The following NEBL variants were observed in gnomAD, a reference collection of about 807,000 sequenced individuals.
NEBL encodes the protein LIM and SH3 protein 2.
NEBL carries 122 observed loss-of-function variants against 140.2 expected under a neutral mutation model. That is an observed-to-expected ratio of 0.87 (90% CI 0.75 to 1.01). The LOEUF (loss-of-function observed/expected upper bound fraction) is 1.01. Ranked by LOEUF, NEBL falls within the 50% of genes least tolerant of loss-of-function variation. The probability of loss-of-function intolerance (pLI) is 0.00; values close to 1 mark genes in which losing one functional copy is unlikely to be tolerated. For synonymous variants in NEBL, 436 were observed against 398.9 expected (o/e 1.09, Z -1.11); for missense variants, 1,365 against 1,231.3 (o/e 1.11, Z -1.62).
chr10:21,176,518 G>T (rs188777614), upstream of NEBL, among the ~76,000 whole-genome samples: 147 of 152,126 alleles, frequency 9.7e-4, no homozygotes, highest in African/African-American at 3.4e-3. Context: ...GATGTAAGAA[G>T]AATTTTAATA....
Position 20,782,731 on chromosome 10 carries a change from T to A in NEBL, c.*3016A>T, listed in dbSNP as rs1588579141. The A allele has an allele frequency of 1.3e-5, 2 of 152,272 alleles. No homozygotes were observed. Among genetic ancestry groups the A allele is most frequent in the African/African-American group, 4.8e-5 (2 of 41,578 alleles). 9.4% of individuals were successfully genotyped at this position (152,272 alleles called of 1,614,324 possible). On this transcript the variant is annotated 3_prime_UTR_variant, in exon 28 of 28. Transcript: ENST00000377122. The stretch of plus-strand genomic sequence containing the variant: ...CCTCCATGGGCAGTTGATAACCAAA[T>A]AAATATTTCAAACTGGGCTACACTG...
intron 14 of NEBL, among the ~76,000 whole-genome samples, chr10:20,831,822 C>G (rs1840449899): frequency 6.6e-6 from 1 of 151,952 alleles, no homozygotes; most frequent in African/African-American, 2.4e-5. Context: ...GAAGAAAAAA[C>G]ACAGCTAGCC....
chr10:21,268,221 C>T (rs1343732939), intron 1 of NEBL, among the ~76,000 whole-genome samples: 1 of 152,036 alleles, frequency 6.6e-6, no homozygotes, highest in Non-Finnish European at 1.5e-5. Context: ...GTAATCCCAG[C>T]ACTTTGGGAG....
At chr10:20,946,367 A>G (rs1835159462) in intron 4 of NEBL, among the ~76,000 whole-genome samples, 1 of 152,236 alleles carries the variant, frequency 6.6e-6, no homozygotes, top group Non-Finnish European at 1.5e-5. Context: ...AAGCTGAGTC[A>G]AGGAACACAC....
chr10:20,925,829 C>T (rs756831344), intron 4 of NEBL, among the ~76,000 whole-genome samples: 4 of 152,044 alleles, frequency 2.6e-5, no homozygotes, highest in African/African-American at 7.2e-5. Flanking sequence ...CTCTAATTAA[C>T]GACATTTTGG....
intron 3 of NEBL, among the ~76,000 whole-genome samples, chr10:21,243,606 G>A (rs945085718): frequency 1.3e-5 from 2 of 151,926 alleles, no homozygotes; most frequent in South Asian, 4.1e-4. Context: ...GTATTGGCTC[G>A]TTATGACACA....
At chr10:21,070,582 A>C (rs1835772990) in intron 2 of NEBL, among the ~76,000 whole-genome samples, 1 of 152,134 alleles carries the variant, frequency 6.6e-6, no homozygotes, top group Non-Finnish European at 1.5e-5. Flanking sequence ...AGATAACCTA[A>C]GTGGGCGATT....
intron 2 of NEBL, 113 bp downstream of exon 2, chr10:20,896,845 G>T (rs1847541487): frequency 1.1e-6 from 1 of 926,518 alleles, no homozygotes; most frequent in East Asian, 2.4e-5. Flanking sequence ...TCTGGAAAGT[G>T]ACTGTGTTTT....
At chr10:21,121,403 A>G (rs374141524) in intron 2 of NEBL, among the ~76,000 whole-genome samples, 18 of 152,276 alleles carry the variant, frequency 1.2e-4, no homozygotes, top group Middle Eastern at 6.8e-3. Flanking sequence ...AAATCAAGAT[A>G]ATATTTATTT....
intron 3 of NEBL, among the ~76,000 whole-genome samples, chr10:20,998,528 GC>G (rs1199469491): frequency 2.0e-5 from 3 of 152,024 alleles, no homozygotes; most frequent in Non-Finnish European, 4.4e-5. Context: ...AGAAACCATG[GC>G]TCCTGGCTGC....
intron 20 of NEBL, 118 bp from the exon 21 acceptor site, chr10:20,817,810 A>G: frequency 2.4e-6 from 2 of 830,764 alleles, no homozygotes; most frequent in Middle Eastern, 2.2e-4. Context: ...ACAGTTGATT[A>G]CATCAACCTT....
At chr10:21,046,241 G>A (rs563933790) in intron 2 of NEBL, among the ~76,000 whole-genome samples, 1 of 152,330 alleles carries the variant, frequency 6.6e-6, no homozygotes, top group Non-Finnish European at 1.5e-5. Flanking sequence ...GAGAGGAATA[G>A]GGAGATGTTG....
Position 20,831,530 on chromosome 10 carries a change from C to T in NEBL, c.1503G>A (p.Val501=). The T allele has an allele frequency of 6.2e-7, 1 of 1,612,692 alleles. No homozygotes were observed. Among genetic ancestry groups the T allele is most frequent in the Non-Finnish European group, 8.5e-7 (1 of 1,179,514 alleles). ...ETEIKGKGMQ[V]STDTLDVQRA... is the part of the protein sequence containing the mutation. ...TCTGGACATCAAGAGTGTCTGTGCT[C>T]ACCTGCATCCCTTTCCCTTTAATTT... The change falls in exon 15 of 28, where the codon GTG becomes GTA. Residue 501 remains valine (V), a synonymous_variant. Coordinates refer to ENST00000377122, the MANE Select transcript of NEBL (RefSeq NM_006393.3).
chr10:20,880,230 G>C (rs1028906997), intron 5 of NEBL, among the ~76,000 whole-genome samples: 1 of 151,994 alleles, frequency 6.6e-6, no homozygotes, highest in Non-Finnish European at 1.5e-5. Context: ...GTGTGGTGGT[G>C]GGCACCTGTA....
chr10:20,931,145 A>G (rs952684107), intron 4 of NEBL, among the ~76,000 whole-genome samples: 10 of 152,194 alleles, frequency 6.6e-5, no homozygotes, highest in African/African-American at 2.2e-4. Flanking sequence ...CTAGCATTTC[A>G]GCTCAAAATA....
chr10:21,009,682 CT>C (rs1020368093), intron 3 of NEBL, among the ~76,000 whole-genome samples: 9 of 152,246 alleles, frequency 5.9e-5, no homozygotes, highest in Admixed American at 4.6e-4. Flanking sequence ...CAAACGGAAG[CT>C]TTTTCAAAGA....
intron 2 of NEBL, among the ~76,000 whole-genome samples, chr10:21,054,012 G>A (rs1332504019): frequency 7.1e-6 from 1 of 140,838 alleles, no homozygotes; most frequent in African/African-American, 2.7e-5. Context: ...CAGCCTGGGC[G>A]ACGAAGCAAG....
At chr10:21,112,557 C>T (rs557682494) in intron 2 of NEBL, among the ~76,000 whole-genome samples, 90 of 88,548 alleles carry the variant, frequency 1.0e-3, no homozygotes, top group African/African-American at 3.9e-3. Context: ...CTTGGACACA[C>T]GGTGGGGAAC....
intron 3 of NEBL, among the ~76,000 whole-genome samples, chr10:21,006,038 G>T (rs905318342): frequency 2.0e-5 from 3 of 152,038 alleles, no homozygotes; most frequent in Non-Finnish European, 4.4e-5. Context: ...TCATCTCTAC[G>T]CTTTTCTACA....
Sources: allele counts gnomAD v4.1 joint callset (sites outside exome capture counted in the v4.1 genomes callset), GRCh38; gene constraint gnomAD v4.1.1; transcripts MANE v1.5; gene names NCBI Gene and HGNC (gene_info 2026-07-23, HGNC 2026-07-21).